The following ASTN2 variants were observed in gnomAD, a reference collection of about 807,000 sequenced individuals.
ASTN2 encodes astrotactin 2.
Under a neutral mutation model 139.8 loss-of-function variants are expected in ASTN2, and 54 were observed. The observed-to-expected ratio is 0.39, with a 90% CI of 0.31 to 0.48. The LOEUF (loss-of-function observed/expected upper bound fraction) is 0.48. Ranked by LOEUF, ASTN2 falls within the 20% of genes least tolerant of loss-of-function variation. The pLI, the probability that ASTN2 is intolerant of heterozygous loss-of-function variation, is 0.95. For synonymous variants in ASTN2, 756 were observed against 719.5 expected, an observed-to-expected ratio of 1.05 and a Z score of -0.81; for missense variants, 1,565 against 1,725.1, an observed-to-expected ratio of 0.91 and a Z score of 1.64.
intron 1 of ASTN2, among the ~76,000 whole-genome samples, chr9:117,294,803 G>A (rs1208964662): frequency 6.6e-6 from 1 of 152,076 alleles, no homozygotes; most frequent in East Asian, 1.9e-4. Context: ...CTCAAACAAG[G>A]CAGACTCCCA....
intron 3 of ASTN2, among the ~76,000 whole-genome samples, chr9:117,166,590 A>G (rs1830675455): frequency 6.6e-6 from 1 of 151,896 alleles, no homozygotes; most frequent in Admixed American, 6.6e-5. Flanking sequence ...TTCACATATA[A>G]TTTTCTCTTT....
intron 19 of ASTN2, among the ~76,000 whole-genome samples, chr9:116,536,343 T>A (rs1219034268): frequency 1.3e-5 from 2 of 152,098 alleles, no homozygotes; most frequent in Admixed American, 6.6e-5. Flanking sequence ...TCTGAAGCCT[T>A]CTTCTCTCAA....
intron 10 of ASTN2, among the ~76,000 whole-genome samples, chr9:116,877,196 G>A (rs1326819): frequency 0.35 from 52,533 of 152,056 alleles, 9,799 homozygotes; most frequent in East Asian, 0.53. Context: ...AACTGCATTA[G>A]GGTTAAAAAC....
chr9:116,587,345 T>TAAAAA (rs376336813), intron 19 of ASTN2, among the ~76,000 whole-genome samples: 1 of 83,294 alleles, frequency 1.2e-5, no homozygotes, highest in African/African-American at 6.2e-5. Context: ...CATCTCAAAT[T>TAAAAA]TAAAAAAAAA....
intron 21 of ASTN2, among the ~76,000 whole-genome samples, 162 bp from the exon 22 acceptor site, chr9:116,440,954 T>C (rs1415229028): frequency 6.6e-6 from 1 of 152,158 alleles, no homozygotes; most frequent in Non-Finnish European, 1.5e-5. Context: ...TATTGACTGG[T>C]TGTGTTTGGT....
chr9:116,769,927 T>C (rs551317047), intron 13 of ASTN2, among the ~76,000 whole-genome samples: 2 of 152,090 alleles, frequency 1.3e-5, no homozygotes, highest in Admixed American at 6.5e-5. Flanking sequence ...GTGCCTTTAA[T>C]TTCAGCTACT....
At chr9:116,878,400 G>A (rs1344603002) in intron 10 of ASTN2, among the ~76,000 whole-genome samples, 2 of 152,200 alleles carry the variant, frequency 1.3e-5, no homozygotes, top group Admixed American at 6.5e-5. Flanking sequence ...GTCCTTTGCA[G>A]GGGCACAGTT....
At chr9:117,360,654 C>A (rs539286514) in intron 1 of ASTN2, among the ~76,000 whole-genome samples, 1 of 152,204 alleles carries the variant, frequency 6.6e-6, no homozygotes, top group Non-Finnish European at 1.5e-5. Flanking sequence ...AAGTTCATGA[C>A]TCCATGGTGA....
At chr9:117,152,257 G>T (rs1243243863) in intron 3 of ASTN2, among the ~76,000 whole-genome samples, 2 of 152,142 alleles carry the variant, frequency 1.3e-5, no homozygotes, top group Non-Finnish European at 2.9e-5. Flanking sequence ...AGCCTGCGGA[G>T]GGTCTTGCAC....
At chr9:116,990,238 C>T (rs1588463150) in intron 7 of ASTN2, among the ~76,000 whole-genome samples, 2 of 152,256 alleles carry the variant, frequency 1.3e-5, no homozygotes, top group African/African-American at 2.4e-5. Context: ...AAATCAATTT[C>T]CCCCTTCCTT....
intron 19 of ASTN2, among the ~76,000 whole-genome samples, chr9:116,608,624 GTTTGAACAAAATAT>G (rs1463500299): frequency 1.3e-5 from 2 of 152,022 alleles, no homozygotes; most frequent in African/African-American, 4.8e-5. Context: ...GAACAAAAGA[GTTTGAACAAAATAT>G]TTTGAACAAA....
chr9:116,879,024 G>GTGATCT (rs2132366029), intron 10 of ASTN2, among the ~76,000 whole-genome samples: 1 of 152,032 alleles, frequency 6.6e-6, no homozygotes, highest in Non-Finnish European at 1.5e-5. Flanking sequence ...GATGGCAGAG[G>GTGATCT]GGGTTGCCGT....
intron 5 of ASTN2, among the ~76,000 whole-genome samples, chr9:117,041,267 G>T (rs1336054715): frequency 6.6e-5 from 10 of 151,328 alleles, no homozygotes; most frequent in African/African-American, 2.2e-4. Context: ...TTTTTTTACT[G>T]CTAGGCTCTT....
intron 11 of ASTN2, among the ~76,000 whole-genome samples, chr9:116,833,464 G>A (rs10983369): frequency 0.01 from 1,496 of 148,410 alleles, 15 homozygotes; most frequent in East Asian, 0.034. Flanking sequence ...TTCTTGAGGT[G>A]GGAGCCTAGA....
At chr9:117,103,273 T>C (rs1829026220) in intron 4 of ASTN2, among the ~76,000 whole-genome samples, 1 of 152,196 alleles carries the variant, frequency 6.6e-6, no homozygotes, top group Admixed American at 6.5e-5. Context: ...TTTTAGATAT[T>C]CTTGGCATAC....
rs1051514185 is a variant in ASTN2, at chr9:116,665,195, T to G, written c.2807-13402A>C. Among the ~76,000 whole-genome samples the G allele has an allele frequency of 9.2e-5, 14 of 152,266 alleles. 1 individual carries two copies. The South Asian group carries it at 2.9e-3, about 32-fold the overall frequency. On this transcript the variant is annotated intron_variant, in intron 16 of 22. Transcript: ENST00000313400. ...ACAGAACTGTGAGCCAAATAAACCT[T>G]TTTTCCTTATAAATTACTCAGTCTC...
At chr9:116,459,210 C>T (rs1265506739) in intron 20 of ASTN2, among the ~76,000 whole-genome samples, 3 of 151,852 alleles carry the variant, frequency 2.0e-5, no homozygotes, top group African/African-American at 4.8e-5. Context: ...TGGGTAGCCT[C>T]GTCAAGTGAA....
At chr9:116,753,196 C>T (rs1311886174) in intron 13 of ASTN2, among the ~76,000 whole-genome samples, 1 of 152,142 alleles carries the variant, frequency 6.6e-6, no homozygotes. Context: ...TATCTAGCCA[C>T]AAGAAGACAT....
chr9:117,227,897 A>T (rs1832766105), intron 2 of ASTN2, among the ~76,000 whole-genome samples: 1 of 152,224 alleles, frequency 6.6e-6, no homozygotes. Flanking sequence ...ATCACTTTAC[A>T]CAGAAAGCAA....
Sources: allele counts gnomAD v4.1 joint callset (sites outside exome capture counted in the v4.1 genomes callset), GRCh38; gene constraint gnomAD v4.1.1; transcripts MANE v1.5; gene names NCBI Gene and HGNC (gene_info 2026-07-23, HGNC 2026-07-21).